The following TNNI3K variants were observed in gnomAD, a reference collection of about 807,000 sequenced individuals.
TNNI3K encodes serine/threonine-protein kinase TNNI3K.
In TNNI3K, 140 loss-of-function variants were observed where a neutral mutation model predicts 114.5. The observed-to-expected ratio is 1.22, with a 90% CI of 1.07 to 1.41. The LOEUF (loss-of-function observed/expected upper bound fraction) is 1.41. Among genes scored for constraint, TNNI3K ranks in the 40% most tolerant of loss-of-function variants. The probability of loss-of-function intolerance (pLI) is 0.00; values close to 1 mark genes in which losing one functional copy is unlikely to be tolerated. For synonymous variants in TNNI3K, 347 were observed against 347.5 expected, an observed-to-expected ratio of 1.00 and a Z score of 0.02; for missense variants, 1,125 against 1,007.6, an observed-to-expected ratio of 1.12 and a Z score of -1.58.
intron 11 of TNNI3K, among the ~76,000 whole-genome samples, chr1:74,361,716 A>G (rs965240398): frequency 1.3e-5 from 2 of 152,158 alleles, no homozygotes; most frequent in African/African-American, 4.8e-5. Flanking sequence ...ATTCAAGGAT[A>G]CTATCTAAAA....
At chr1:74,332,976 A>AAAT (rs57556485) in intron 6 of TNNI3K, among the ~76,000 whole-genome samples, 1 of 90,752 alleles carries the variant, frequency 1.1e-5, no homozygotes. Context: ...AAAAAAAAAA[A>AAAT]AGAGAGAGAC....
At chr1:74,293,446 A>C (rs939569185) in intron 5 of TNNI3K, among the ~76,000 whole-genome samples, 1 of 151,586 alleles carries the variant, frequency 6.6e-6, no homozygotes, top group African/African-American at 2.4e-5. Flanking sequence ...CGCTTTTTAC[A>C]TTTTATTATA....
At chr1:74,322,753 G>A (rs529708271) in intron 5 of TNNI3K, among the ~76,000 whole-genome samples, 66 of 152,060 alleles carry the variant, frequency 4.3e-4, no homozygotes, top group South Asian at 3.5e-3. Context: ...TTTGCTGGGC[G>A]ATTCTACCAT....
intron 21 of TNNI3K, among the ~76,000 whole-genome samples, chr1:74,475,134 A>ACACG (rs1236064583): frequency 4.0e-5 from 6 of 151,214 alleles, no homozygotes; most frequent in Non-Finnish European, 7.4e-5. Flanking sequence ...ACACACACAC[A>ACACG]CACACACACA....
At chr1:74,543,080 T>C (rs1646746530) in intron 24 of TNNI3K, among the ~76,000 whole-genome samples, 1 of 130,582 alleles carries the variant, frequency 7.7e-6, no homozygotes, top group African/African-American at 2.9e-5. Context: ...TTTTTTTTTT[T>C]TTTTTTTTTT....
intron 11 of TNNI3K, among the ~76,000 whole-genome samples, chr1:74,363,993 T>TA (rs1377625734): frequency 6.8e-6 from 1 of 146,382 alleles, no homozygotes. Context: ...TTATTATTAT[T>TA]ATTATTATTA....
At chr1:74,491,434 G>A (rs1162432273) in intron 22 of TNNI3K, among the ~76,000 whole-genome samples, 6 of 152,244 alleles carry the variant, frequency 3.9e-5, no homozygotes, top group Admixed American at 2.6e-4. Flanking sequence ...TGACCAGATG[G>A]TGTCGATCTG....
chr1:74,359,662 G>A (rs1404402593), intron 11 of TNNI3K, among the ~76,000 whole-genome samples: 3 of 151,984 alleles, frequency 2.0e-5, no homozygotes, highest in African/African-American at 7.2e-5. Context: ...AATGTGCGTA[G>A]TTGCATGCAA....
rs191582996 is a variant in TNNI3K, at chr1:74,379,783, A to G, written c.1772+9391A>G. Among the ~76,000 whole-genome samples the G allele has an allele frequency of 1.0e-3, 158 of 152,098 alleles. 1 individual carries two copies. The highest frequency in any genetic ancestry group is 3.7e-3 in the African/African-American group (153 of 41,502). Reference sequence around the variant, plus strand: ...CTCATGACATTTCACTTTGGTTAATATTCTCCCCCCTATACTTCACTACTA... The same window carrying G: ...CTCATGACATTTCACTTTGGTTAATGTTCTCCCCCCTATACTTCACTACTA... On this transcript the variant is annotated intron_variant, in intron 17 of 24. Transcript: ENST00000326637.
At chr1:74,416,987 C>G (rs1665148106) in intron 17 of TNNI3K, among the ~76,000 whole-genome samples, 1 of 151,966 alleles carries the variant, frequency 6.6e-6, no homozygotes. Flanking sequence ...ACCTGAACTC[C>G]AGAATCCTAT....
intron 21 of TNNI3K, among the ~76,000 whole-genome samples, chr1:74,465,674 C>T (rs1400537532): frequency 6.6e-6 from 1 of 152,122 alleles, no homozygotes; most frequent in Non-Finnish European, 1.5e-5. Flanking sequence ...GGCAGCTCTG[C>T]CCACGGCCCT....
At chr1:74,458,268 C>T (rs1158368431) in intron 20 of TNNI3K, among the ~76,000 whole-genome samples, 1 of 152,102 alleles carries the variant, frequency 6.6e-6, no homozygotes, top group Admixed American at 6.6e-5. Flanking sequence ...TCTTCAAAGC[C>T]CATGTTTGCC....
chr1:74,353,839 A>C, intron 10 of TNNI3K, 141 bp from the exon 11 acceptor site: 1 of 1,241,110 alleles, frequency 8.1e-7, no homozygotes, highest in African/African-American at 1.5e-5. Context: ...CAATAATAAA[A>C]TTAGTTCTTT....
intron 23 of TNNI3K, among the ~76,000 whole-genome samples, chr1:74,508,658 C>G (rs1404466488): frequency 6.6e-6 from 1 of 152,180 alleles, no homozygotes; most frequent in Non-Finnish European, 1.5e-5. Context: ...ACTGAGAAAA[C>G]CAACAGCAAG....
chr1:74,363,688 C>T (rs1018522978), intron 11 of TNNI3K, among the ~76,000 whole-genome samples: 12 of 151,826 alleles, frequency 7.9e-5, no homozygotes, highest in Non-Finnish European at 1.6e-4. Flanking sequence ...GGAAGGTGGG[C>T]TCTGTGAATT....
chr1:74,368,740 A>G (rs1355008503), intron 13 of TNNI3K, among the ~76,000 whole-genome samples: 2 of 151,778 alleles, frequency 1.3e-5, no homozygotes, highest in Non-Finnish European at 2.9e-5. Context: ...CAGATCAGGA[A>G]TAGACCCTTA....
At chr1:74,417,934 C>T (rs1425073418) in intron 17 of TNNI3K, among the ~76,000 whole-genome samples, 1 of 152,000 alleles carries the variant, frequency 6.6e-6, no homozygotes, top group Non-Finnish European at 1.5e-5. Flanking sequence ...ATACATGAAG[C>T]TCAACATGTG....
chr1:74,472,347 C>A, intron 21 of TNNI3K: 1 of 590,826 alleles, frequency 1.7e-6, no homozygotes, highest in Non-Finnish European at 3.0e-6. Flanking sequence ...GTAACCAAAC[C>A]TACAAAGGAC....
At chr1:74,532,385 T>C (rs1319554375) in intron 23 of TNNI3K, among the ~76,000 whole-genome samples, 2 of 152,222 alleles carry the variant, frequency 1.3e-5, no homozygotes, top group African/African-American at 4.8e-5. Context: ...CTTTAACTTA[T>C]TATCAGCTCT....
Sources: allele counts gnomAD v4.1 joint callset (sites outside exome capture counted in the v4.1 genomes callset), GRCh38; gene constraint gnomAD v4.1.1; transcripts MANE v1.5; gene names NCBI Gene and HGNC (gene_info 2026-07-23, HGNC 2026-07-21).